The following SGCZ variants were observed in gnomAD, a reference collection of about 807,000 sequenced individuals.
SGCZ encodes the protein sarcoglycan zeta.
Under a neutral mutation model 41.3 loss-of-function variants are expected in SGCZ, and 40 were observed. The ratio of observed to expected loss-of-function variants is 0.97; its 90% CI spans 0.75 to 1.26. The LOEUF is 1.26. SGCZ is among the 50% of genes most tolerant of loss of function. SGCZ has a pLI of 0.00. For synonymous variants in SGCZ, 206 were observed against 137.5 expected (o/e 1.50, Z -3.49); for missense variants, 552 against 369.8 (o/e 1.49, Z -4.04).
At position 14,324,179 on chromosome 8, in the gene SGCZ, G is replaced by A. The variant is rs1802017515; in HGVS notation, c.260C>T (p.Thr87Ile). The change falls in exon 3 of 8, where the codon ACC becomes ATC. Residue 87 changes from threonine (T) to isoleucine (I), a missense_variant. By Grantham distance (89) the Thr-to-Ile change is moderately conservative. Transcript: ENST00000382080. ...TVDGMGNLRVTKKGIRLEGIS... is the reference protein window; with the variant it reads ...TVDGMGNLRVIKKGIRLEGIS... ...ACCTTCAAGTCGGATTCCCTTCTTG[G>A]TGACTCTCAGATTTCCCATACCATC... The A allele has an allele frequency of 1.2e-6, 2 of 1,612,470 alleles. No homozygotes were observed. The highest frequency in any genetic ancestry group is 2.2e-5 in the South Asian group (2 of 91,028).
chr8:14,999,983 G>A (rs554224155), intron 1 of SGCZ, among the ~76,000 whole-genome samples: 2 of 152,274 alleles, frequency 1.3e-5, no homozygotes, highest in African/African-American at 4.8e-5. Context: ...ACACTCTCAG[G>A]ACTAGAATGT....
intron 4 of SGCZ, among the ~76,000 whole-genome samples, chr8:14,184,232 C>A (rs1048320886): frequency 2.6e-5 from 4 of 152,204 alleles, no homozygotes; most frequent in Middle Eastern, 3.4e-3. Context: ...TTTACATGGG[C>A]AAATGTGTAC....
intron 1 of SGCZ, among the ~76,000 whole-genome samples, chr8:14,779,340 C>T (rs1800511612): frequency 6.6e-6 from 1 of 152,188 alleles, no homozygotes; most frequent in Admixed American, 6.5e-5. Context: ...CACTGAGAAG[C>T]CTGCATGCAG....
chr8:14,707,106 AC>A (rs1563215797), intron 1 of SGCZ, among the ~76,000 whole-genome samples: 1 of 151,604 alleles, frequency 6.6e-6, no homozygotes, highest in Non-Finnish European at 1.5e-5. Flanking sequence ...GCATATATAT[AC>A]ATGTGCCATG....
At chr8:14,557,845 A>G (rs34910548) in intron 1 of SGCZ, among the ~76,000 whole-genome samples, 20,367 of 152,198 alleles carry the variant, frequency 0.13, 1,642 homozygotes, top group South Asian at 0.2. Context: ...TGAAACAAAC[A>G]AACAAAAATA....
At chr8:14,812,159 G>A (rs1031799298) in intron 1 of SGCZ, among the ~76,000 whole-genome samples, 24 of 151,766 alleles carry the variant, frequency 1.6e-4, no homozygotes, top group Non-Finnish European at 3.4e-4. Context: ...ATATACAAAT[G>A]TAAAATGTTA....
At chr8:14,145,069 G>T (rs191321076) in intron 5 of SGCZ, among the ~76,000 whole-genome samples, 1 of 152,106 alleles carries the variant, frequency 6.6e-6, no homozygotes, top group African/African-American at 2.4e-5. Context: ...GACCTGAAAA[G>T]AAAAAGACAT....
chr8:15,087,683 A>T (rs578056025), intron 1 of SGCZ, among the ~76,000 whole-genome samples: 1 of 152,148 alleles, frequency 6.6e-6, no homozygotes, highest in Non-Finnish European at 1.5e-5. Flanking sequence ...ATTGTATTTA[A>T]TTATTCATTA....
At chr8:14,297,025 G>A (rs1222591990) in intron 3 of SGCZ, among the ~76,000 whole-genome samples, 2 of 152,048 alleles carry the variant, frequency 1.3e-5, no homozygotes, top group African/African-American at 2.4e-5. Context: ...AGGTTCAAAC[G>A]ATTCTCCTGT....
intron 4 of SGCZ, among the ~76,000 whole-genome samples, chr8:14,185,332 G>A (rs1054692572): frequency 6.6e-5 from 10 of 152,100 alleles, no homozygotes; most frequent in African/African-American, 2.2e-4. Flanking sequence ...GAACCAGGGA[G>A]GCGTAGGTTG....
rs979587000 is a variant in SGCZ, at chr8:14,177,483, GCTAT to G, written c.425-12785_425-12782del. 3.8e-4 allele frequency among the ~76,000 whole-genome samples: 56 copies of G among 147,952 alleles called. 1 individual carries two copies. Among genetic ancestry groups the G allele is most frequent in the Middle Eastern group, 3.5e-3 (1 of 282 alleles). ...ATAGAGTTAAGTAAAATCTTTTAAA[GCTAT>G]CTGTTTCCTTTTTTGTTTGTTTGTT... On this transcript the variant is annotated intron_variant, in intron 4 of 7. Transcript: ENST00000382080.
intron 1 of SGCZ, among the ~76,000 whole-genome samples, chr8:15,014,543 A>T (rs550258975): frequency 6.6e-6 from 1 of 152,140 alleles, no homozygotes; most frequent in East Asian, 1.9e-4. Flanking sequence ...GACCTTAAGC[A>T]CCAACATGTT....
chr8:14,092,696 C>G (rs1056308967), intron 7 of SGCZ, among the ~76,000 whole-genome samples: 1 of 152,028 alleles, frequency 6.6e-6, no homozygotes, highest in Non-Finnish European at 1.5e-5. Context: ...TCTCTCTTGC[C>G]TGCCACCACA....
intron 2 of SGCZ, among the ~76,000 whole-genome samples, chr8:14,472,223 T>G (rs183298236): frequency 6.6e-6 from 1 of 152,132 alleles, no homozygotes; most frequent in Non-Finnish European, 1.5e-5. Context: ...GTAATCTTTT[T>G]GAAATGATGG....
intron 1 of SGCZ, among the ~76,000 whole-genome samples, chr8:15,165,437 T>C (rs1019065826): frequency 6.6e-6 from 1 of 152,210 alleles, no homozygotes. Flanking sequence ...AAGCAAGGTT[T>C]GCCAGGTGTT....
chr8:14,418,985 T>G (rs942424363), intron 2 of SGCZ, among the ~76,000 whole-genome samples: 5 of 151,946 alleles, frequency 3.3e-5, no homozygotes, highest in Non-Finnish European at 7.4e-5. Flanking sequence ...TACTAGCACT[T>G]TTGAATTCCC....
chr8:15,191,160 T>C (rs1463008172), intron 1 of SGCZ, among the ~76,000 whole-genome samples: 2 of 152,154 alleles, frequency 1.3e-5, no homozygotes, highest in African/African-American at 4.8e-5. Flanking sequence ...AAAGGCTTTG[T>C]GTTTATTTGT....
intron 4 of SGCZ, among the ~76,000 whole-genome samples, chr8:14,177,308 G>A (rs554692400): frequency 6.6e-6 from 1 of 152,146 alleles, no homozygotes; most frequent in Non-Finnish European, 1.5e-5. Flanking sequence ...AGGGAGAAAG[G>A]ATTGAAACTC....
intron 1 of SGCZ, among the ~76,000 whole-genome samples, chr8:14,736,617 C>T (rs569295131): frequency 3.8e-4 from 58 of 152,042 alleles, no homozygotes; most frequent in Non-Finnish European, 4.6e-4. Flanking sequence ...GTTTTTTATT[C>T]CTCACCCCCC....
Sources: gnomAD v4.1 joint callset for allele counts (sites outside exome capture counted in the v4.1 genomes callset) on GRCh38, gnomAD v4.1.1 for gene constraint, MANE v1.5 for transcripts, NCBI Gene and HGNC (gene_info 2026-07-23, HGNC 2026-07-21) for gene names.